Variants in SSX2IP observed in about 807,000 individuals in gnomAD.
The protein encoded by SSX2IP is SSX family member 2 interacting protein.
Under a neutral mutation model 84.9 loss-of-function variants are expected in SSX2IP, and 55 were observed. That is an observed-to-expected ratio of 0.65 (90% CI 0.52 to 0.81). The LOEUF (loss-of-function observed/expected upper bound fraction) is 0.81. Among genes scored for constraint, SSX2IP ranks in the 30% least tolerant of loss-of-function variants. The probability of loss-of-function intolerance (pLI) is 0.00; values close to 1 mark genes in which losing one functional copy is unlikely to be tolerated. For synonymous variants in SSX2IP, 239 were observed against 234.7 expected, an observed-to-expected ratio of 1.02 and a Z score of -0.17; for missense variants, 664 against 705.2, an observed-to-expected ratio of 0.94 and a Z score of 0.66.
At position 84,669,663 on chromosome 1, in the gene SSX2IP, T is replaced by C. The variant is rs78204400; in HGVS notation, c.426+18A>G. On this transcript the variant is annotated intron_variant, in intron 4 of 13. Coordinates refer to ENST00000342203, the MANE Select transcript of SSX2IP (RefSeq NM_001166293.2). The stretch of plus-strand genomic sequence containing the variant: ...ATTATATAATTATGGCATTAAAATA[T>C]GGATCTGCAATTTCTACCTTAAGTT... The C allele has an allele frequency of 4.7e-4, 739 of 1,587,848 alleles. 5 individuals are homozygous for C. In the East Asian group the frequency reaches 6.8e-3, roughly 15 times the overall value.
At position 84,656,416 on chromosome 1, in the gene SSX2IP, T is replaced by C; in HGVS notation, c.1147A>G (p.Thr383Ala). The C allele has an allele frequency of 6.2e-7, 1 of 1,613,690 alleles. No individual in the cohort carries two copies. The highest frequency in any genetic ancestry group is 8.5e-7 in the Non-Finnish European group (1 of 1,179,822). The change falls in exon 10 of 14, where the codon ACT becomes GCT. Residue 383 changes from threonine to alanine, a missense_variant. Coordinates refer to ENST00000342203, the MANE Select transcript of SSX2IP (RefSeq NM_001166293.2). Reference sequence around the variant, plus strand: ...TGAATTTCTAACTCGAGTTTTTCAGTTTCTTGTTCATGGTCTTGTCGTGAG... The same window carrying C: ...TGAATTTCTAACTCGAGTTTTTCAGCTTCTTGTTCATGGTCTTGTCGTGAG... ...VISRQDHEQE[T>A]EKLELEIQQC...
intron 11 of SSX2IP, among the ~76,000 whole-genome samples, chr1:84,654,501 AT>A (rs1650784290): frequency 6.6e-6 from 1 of 152,296 alleles, no homozygotes; most frequent in East Asian, 1.9e-4. Context: ...TAAAAAAAAA[AT>A]TACTCAAGAA....
At position 84,666,248 on chromosome 1, in the gene SSX2IP, G is replaced by T. The variant is rs761465922; in HGVS notation, c.427-16C>A. On this transcript the variant is annotated splice_polypyrimidine_tract_variant and intron_variant, in intron 4 of 13. Coordinates refer to ENST00000342203, the MANE Select transcript of SSX2IP (RefSeq NM_001166293.2). ...CCAGTTGTTCCTAAAACATTTATAA[G>T]CAATTTTGCTTAAAATTAATAAAGG... The T allele has an allele frequency of 6.3e-7, 1 of 1,588,046 alleles. No homozygotes were observed. Among genetic ancestry groups the T allele is most frequent in the Non-Finnish European group, 8.6e-7 (1 of 1,162,792 alleles).
chr1:84,675,655 G>A (rs563189870), intron 1 of SSX2IP, among the ~76,000 whole-genome samples: 4 of 152,270 alleles, frequency 2.6e-5, no homozygotes, highest in Non-Finnish European at 4.4e-5. Flanking sequence ...AGAACTCAAA[G>A]TTATCCCTCT....
Position 84,656,386 on chromosome 1 carries a change from A to T in SSX2IP, c.1177T>A (p.Cys393Ser). 1 of 1,613,018 alleles carries T rather than the reference A, an allele frequency of 6.2e-7. No homozygotes were observed. Among genetic ancestry groups the T allele is most frequent in the Non-Finnish European group, 8.5e-7 (1 of 1,179,636 alleles). Residue 393 changes from cysteine (C) to serine (S), a missense_variant, in exon 10 of 14, where the codon TGT becomes AGT. Physicochemically the swap from Cys to Ser is moderately radical, Grantham distance 112 (BLOSUM62 -1). Coordinates refer to ENST00000342203, the MANE Select transcript of SSX2IP (RefSeq NM_001166293.2). ...TGCTGAGTTTTAATCATTTCTTTACACTGCTGAATTTCTAACTCGAGTTTT... is the reference window on the plus strand; with the variant it reads ...TGCTGAGTTTTAATCATTTCTTTACTCTGCTGAATTTCTAACTCGAGTTTT... ...TEKLELEIQQ[C>S]KEMIKTQQQL...
At chr1:84,655,756 A>AGGAG (rs1442264508) in intron 11 of SSX2IP, 76 bp downstream of exon 11, 7 of 1,506,020 alleles carry the variant, frequency 4.6e-6, no homozygotes, top group Non-Finnish European at 6.2e-6. Context: ...CAAGAAAAAA[A>AGGAG]GGAGACCTTA....
At chr1:84,679,316 G>A (rs1654770915) in intron 1 of SSX2IP, among the ~76,000 whole-genome samples, 1 of 152,172 alleles carries the variant, frequency 6.6e-6, no homozygotes, top group Non-Finnish European at 1.5e-5. Context: ...CATCAGTACA[G>A]AAACACATTA....
intron 4 of SSX2IP, among the ~76,000 whole-genome samples, chr1:84,667,042 T>TC (rs1652865247): frequency 6.6e-6 from 1 of 152,166 alleles, no homozygotes; most frequent in Non-Finnish European, 1.5e-5. Context: ...TCTAAGGTTG[T>TC]CAGTTTTTGG....
chr1:84,650,935 G>A (rs926306296), intron 12 of SSX2IP, among the ~76,000 whole-genome samples: 1 of 152,108 alleles, frequency 6.6e-6, no homozygotes, highest in Non-Finnish European at 1.5e-5. Flanking sequence ...TCGATCTCCT[G>A]ACTTCGTGAT....
chr1:84,657,482 T>A (rs370452097), intron 9 of SSX2IP, among the ~76,000 whole-genome samples: 6 of 152,172 alleles, frequency 3.9e-5, no homozygotes, highest in Non-Finnish European at 7.3e-5. Context: ...ACTAGGAACA[T>A]AGTAATCTGC....
In SSX2IP at chr1:84,644,565, C is replaced by A. The variant is rs139238376; in HGVS notation, c.*2868G>T. On this transcript the variant is annotated 3_prime_UTR_variant, in exon 14 of 14. Transcript: ENST00000342203. The stretch of plus-strand genomic sequence containing the variant: ...AACATGACTCATATTAGGCAATATA[C>A]TTTGAAGATCTGTACAACATAGTAA... The A allele has an allele frequency of 2.0e-5, 3 of 152,274 alleles. No individual in the cohort carries two copies. Among genetic ancestry groups the A allele is most frequent in the African/African-American group, 7.2e-5 (3 of 41,546 alleles). 9.4% of individuals were successfully genotyped at this position (152,274 alleles called of 1,614,324 possible). A position where few individuals can be genotyped will look rare whatever the true frequency, so the allele number is the denominator to read the frequency against.
intron 1 of SSX2IP, among the ~76,000 whole-genome samples, chr1:84,679,352 C>T (rs369879294): frequency 1.3e-4 from 20 of 152,182 alleles, no homozygotes; most frequent in Admixed American, 7.2e-4. Context: ...AAAATCTACT[C>T]TTTATGAATT....
rs1170848888 is a variant in SSX2IP, at chr1:84,647,601, G to A, written c.1677C>T (p.Ile559=). 2 of 1,590,278 alleles carry A rather than the reference G, an allele frequency of 1.3e-6. No homozygotes were observed. The highest frequency in any genetic ancestry group is 1.3e-5 in the African/African-American group (1 of 74,304). Reference sequence around the variant, plus strand: ...CTTCAGCAGTTATATTCAGTACATTGATTGAACTGTTGGGAAAAGAAAGGC... The same window carrying A: ...CTTCAGCAGTTATATTCAGTACATTAATTGAACTGTTGGGAAAAGAAAGGC... ...TRSCISEHSS[I]NVLNITAEEI... Residue 559 remains isoleucine (I), a synonymous_variant, in exon 14 of 14, where the codon ATC becomes ATT. Coordinates refer to ENST00000342203, the MANE Select transcript of SSX2IP (RefSeq NM_001166293.2).
chr1:84,657,249 T>G (rs1177737084), intron 9 of SSX2IP, among the ~76,000 whole-genome samples: 1 of 151,900 alleles, frequency 6.6e-6, no homozygotes, highest in African/African-American at 2.4e-5. Flanking sequence ...AATAGTTAAG[T>G]GAAAAAAGCA....
At chr1:84,661,581 G>A (rs1334363560) in intron 8 of SSX2IP, among the ~76,000 whole-genome samples, 1 of 152,040 alleles carries the variant, frequency 6.6e-6, no homozygotes, top group Non-Finnish European at 1.5e-5. Context: ...TTCCCAAAAA[G>A]AGCTTCTTGA....
intron 1 of SSX2IP, among the ~76,000 whole-genome samples, chr1:84,672,466 G>C (rs370987359): frequency 1.3e-5 from 2 of 151,758 alleles, no homozygotes; most frequent in African/African-American, 4.8e-5. Context: ...GGAGTGGCTA[G>C]AGAAGGAAAT....
At chr1:84,678,001 A>C (rs558142769) in intron 1 of SSX2IP, among the ~76,000 whole-genome samples, 1 of 152,346 alleles carries the variant, frequency 6.6e-6, no homozygotes, top group African/African-American at 2.4e-5. Context: ...CAGATAACTC[A>C]TACAAGTTTT....
chr1:84,654,681 T>C (rs1279307269), intron 11 of SSX2IP, among the ~76,000 whole-genome samples: 3 of 152,132 alleles, frequency 2.0e-5, no homozygotes, highest in Non-Finnish European at 4.4e-5. Context: ...GGTGGCAAAG[T>C]CTTAATAATA....
chr1:84,652,054 A>G (rs1420379431), intron 11 of SSX2IP, 57 bp from the exon 12 acceptor site: 2 of 1,210,184 alleles, frequency 1.7e-6, no homozygotes, highest in Non-Finnish European at 2.5e-6. Context: ...CACAGTTGCC[A>G]TTTCACATGA....
Sources: allele counts gnomAD v4.1 joint callset (sites outside exome capture counted in the v4.1 genomes callset), GRCh38; gene constraint gnomAD v4.1.1; transcripts MANE v1.5; gene names NCBI Gene and HGNC (gene_info 2026-07-23, HGNC 2026-07-21).